Variants in DUXA observed in about 807,000 individuals in gnomAD.
DUXA encodes the protein double homeobox A, also known as double homeobox protein A.
DUXA carries 25 observed loss-of-function variants against 27.5 expected under a neutral mutation model. The observed-to-expected ratio is 0.91, with a 90% CI of 0.66 to 1.27. The LOEUF is 1.27. DUXA is among the 50% of genes most tolerant of loss of function. The probability of loss-of-function intolerance (pLI) is 0.00; values close to 1 mark genes in which losing one functional copy is unlikely to be tolerated. For missense variants in DUXA, 247 were observed against 242.9 expected (o/e 1.02, Z -0.11); for synonymous variants, 90 against 80.5 (o/e 1.12, Z -0.63).
intron 1 of DUXA, among the ~76,000 whole-genome samples, chr19:57,165,325 ATATATATATATATATATATG>A (rs1200522815): frequency 1.1e-4 from 8 of 73,630 alleles, no homozygotes; most frequent in Non-Finnish European, 2.0e-4. Flanking sequence ...AAAAAAAAAA[ATATATATATATATATATATG>A]TATATATATA....
chr19:57,155,161 G>T, intron 5 of DUXA, 106 bp downstream of exon 5: 2 of 985,046 alleles, frequency 2.0e-6, no homozygotes. Flanking sequence ...ACTTGAGTGG[G>T]GATATCCTCC....
At chr19:57,157,203 T>C (rs930124186) in intron 4 of DUXA, among the ~76,000 whole-genome samples, 5 of 152,204 alleles carry the variant, frequency 3.3e-5, no homozygotes, top group Admixed American at 6.5e-5. Flanking sequence ...GAGGGAGCAC[T>C]GGTTTAAACG....
intron 1 of DUXA, among the ~76,000 whole-genome samples, chr19:57,162,222 C>T (rs1161912886): frequency 6.6e-6 from 1 of 152,040 alleles, no homozygotes; most frequent in East Asian, 1.9e-4. Context: ...CTCCATTGCT[C>T]AATAGCAATA....
In DUXA at chr19:57,165,324, AAT is replaced by A. The variant is rs74179420; in HGVS notation, c.25+2093_25+2094del. Among the ~76,000 whole-genome samples, 680 of 89,248 alleles carry A rather than the reference AAT, an allele frequency of 7.6e-3. 7 individuals carry two copies. The highest frequency in any genetic ancestry group is 0.012 in the Middle Eastern group (2 of 168). 58.6% of individuals were successfully genotyped at this position (89,248 alleles called of 152,430 possible). ...TCTGGAGTAGGAAAAAAAAAAAAAA[AAT>A]ATATATATATATATATATGTATATA... On this transcript the variant is annotated intron_variant, in intron 1 of 5. Coordinates refer to ENST00000554048, the MANE Select transcript of DUXA (RefSeq NM_001012729.2).
Position 57,160,692 on chromosome 19 carries a change from G to A in DUXA, c.131C>T (p.Thr44Ile), listed in dbSNP as rs1441155673. Residue 44 changes from threonine to isoleucine, a missense_variant, in exon 2 of 6, where the codon ACC becomes ATC. Physicochemically the swap from Thr to Ile is moderately conservative, Grantham distance 89. Transcript: ENST00000554048. ...FNQKPYPGYA[T>I]KQKLALEINT... ...GATTTCTAAAGCAAGTTTTTGTTTG[G>A]TAGCATAACCTGGGTAAGGCTTTTG... is the stretch of plus-strand genomic sequence containing the variant. 6 of 1,613,836 alleles carry A rather than the reference G, an allele frequency of 3.7e-6. No homozygotes were observed. The highest frequency in any genetic ancestry group is 4.2e-6 in the Non-Finnish European group (5 of 1,180,036).
chr19:57,160,542 T>C (rs2122693529), intron 2 of DUXA, 101 bp downstream of exon 2: 1 of 1,390,526 alleles, frequency 7.2e-7, no homozygotes, highest in Non-Finnish European at 9.8e-7. Context: ...AGATACTCCC[T>C]ACCAAGCCCT....
rs551946036 is a variant in DUXA at position 57,162,802 on chromosome 19, C to T, written c.26-2005G>A. 1.3e-4 allele frequency among the ~76,000 whole-genome samples: 20 copies of T among 152,240 alleles called. No individual in the cohort carries two copies. In the South Asian group the frequency reaches 3.9e-3, roughly 30 times the overall value. ...CGTTGGCCAGACTGGTCTCGAACTC[C>T]TGACCTCCTGATCCACCCACCTTGG... is the stretch of plus-strand genomic sequence containing the variant. On this transcript the variant is annotated intron_variant, in intron 1 of 5. Coordinates refer to ENST00000554048, the MANE Select transcript of DUXA (RefSeq NM_001012729.2).
chr19:57,164,965 T>A (rs1251569374), intron 1 of DUXA, among the ~76,000 whole-genome samples: 1 of 152,170 alleles, frequency 6.6e-6, no homozygotes, highest in African/African-American at 2.4e-5. Flanking sequence ...TGGTTTGATG[T>A]CCTCTGAGGT....
At position 57,158,481 on chromosome 19, in the gene DUXA, A is replaced by G. The variant is rs2087003700; in HGVS notation, c.293-8T>C. The G allele has an allele frequency of 6.2e-7, 1 of 1,609,026 alleles. No homozygotes were observed. The highest frequency in any genetic ancestry group is 1.1e-5 in the South Asian group (1 of 90,908). ...ACCGTCTGGCTTCTCTACCTAGGGA[A>G]GGCATGGAAAGATGGAGGGGGGCGG... On this transcript the variant is annotated splice_polypyrimidine_tract_variant and splice_region_variant and intron_variant, in intron 3 of 5. Coordinates refer to ENST00000554048, the MANE Select transcript of DUXA (RefSeq NM_001012729.2).
intron 2 of DUXA, among the ~76,000 whole-genome samples, chr19:57,159,540 G>A (rs1215254772): frequency 1.3e-5 from 2 of 151,926 alleles, no homozygotes; most frequent in Non-Finnish European, 2.9e-5. Flanking sequence ...AGACTCCCAA[G>A]GAGCTGGGAT....
At chr19:57,156,257 A>C (rs1425914458) in intron 4 of DUXA, among the ~76,000 whole-genome samples, 2 of 152,160 alleles carry the variant, frequency 1.3e-5, no homozygotes, top group African/African-American at 4.8e-5. Flanking sequence ...TTCATCCCAC[A>C]AGACAAACTT....
rs146901876 is a variant in DUXA at position 57,166,038 on chromosome 19, A to G, written c.25+1381T>C. ...GGGATGGGCTCACTGAGAAAGTATAACATGAACAAAGGCTTGAGGCACATT... is the reference window on the plus strand; with the variant it reads ...GGGATGGGCTCACTGAGAAAGTATAGCATGAACAAAGGCTTGAGGCACATT... On this transcript the variant is annotated intron_variant, in intron 1 of 5. Transcript: ENST00000554048. Among the ~76,000 whole-genome samples, 1,326 of 152,200 alleles carry G rather than the reference A, an allele frequency of 8.7e-3. 23 individuals carry two copies. Among genetic ancestry groups the G allele is most frequent in the African/African-American group, 0.031 (1,285 of 41,532 alleles).
chr19:57,161,264 G>T (rs1405960760), intron 1 of DUXA, among the ~76,000 whole-genome samples: 1 of 147,286 alleles, frequency 6.8e-6, no homozygotes, highest in Non-Finnish European at 1.5e-5. Context: ...GGCGGAGGTT[G>T]CAGTGAGCCG....
chr19:57,163,125 C>T (rs937846231), intron 1 of DUXA, among the ~76,000 whole-genome samples: 8 of 152,214 alleles, frequency 5.3e-5, no homozygotes, highest in Middle Eastern at 3.4e-3. Flanking sequence ...CGGCCAACTT[C>T]TTCCTTCTCC....
rs567091265 is a variant in DUXA at position 57,154,329 on chromosome 19, G to A, written c.*83C>T. 3.0e-6 allele frequency: 4 copies of A among 1,322,550 alleles called. No individual in the cohort carries two copies. In the African/African-American group the frequency reaches 4.4e-5, roughly 14 times the overall value. The allele number at this position is 1,322,550 out of a possible 1,614,324, so 81.9% of individuals were successfully genotyped here. ...TCAGAAGGCTTAGCTTGCAGTTTCA[G>A]CAGAAGGATAGACTCCCAGGAAGAC... On this transcript the variant is annotated 3_prime_UTR_variant, in exon 6 of 6. Transcript: ENST00000554048.
chr19:57,166,559 C>T (rs1486131686), intron 1 of DUXA, among the ~76,000 whole-genome samples: 1 of 152,164 alleles, frequency 6.6e-6, no homozygotes, highest in Non-Finnish European at 1.5e-5. Context: ...CTGCCCACCG[C>T]GGCCTCCCAA....
intron 1 of DUXA, among the ~76,000 whole-genome samples, chr19:57,163,876 T>C (rs1362297209): frequency 6.6e-6 from 1 of 152,210 alleles, no homozygotes; most frequent in Admixed American, 6.5e-5. Flanking sequence ...TGAATGGCTC[T>C]TTTACCTATC....
In DUXA at chr19:57,154,231, T is replaced by C. The variant is rs1599928664; in HGVS notation, c.*181A>G. 2 of 547,316 alleles carry C rather than the reference T, an allele frequency of 3.7e-6. No homozygotes were observed. Among genetic ancestry groups the C allele is most frequent in the South Asian group, 4.1e-5 (2 of 48,486 alleles). The allele number at this position is 547,316 out of a possible 1,614,324, so 33.9% of individuals were successfully genotyped here. On this transcript the variant is annotated 3_prime_UTR_variant, in exon 6 of 6. Coordinates refer to ENST00000554048, the MANE Select transcript of DUXA (RefSeq NM_001012729.2). ...TCAAACTCCTGAGCTCAAGCAATCT[T>C]CCTGCCTTGGCCTCCCAAAGTAGTG...
rs3082068 is a variant in DUXA at position 57,165,803 on chromosome 19, C to CAA, written c.25+1614_25+1615dup. On this transcript the variant is annotated intron_variant, in intron 1 of 5. Transcript: ENST00000554048. ...CTGGGCGAGAGAGTGAGACTCCTCT[C>CAA]AAAAAAAAAAAAAAAAAAGCCAGAC... Among the ~76,000 whole-genome samples the CAA allele has an allele frequency of 2.3e-3, 217 of 95,610 alleles. 3 individuals carry two copies. The highest frequency in any genetic ancestry group is 3.9e-3 in the South Asian group (11 of 2,820). The allele number at this position is 95,610 out of a possible 152,430, so 62.7% of individuals were successfully genotyped here.
Sources: allele counts gnomAD v4.1 joint callset (sites outside exome capture counted in the v4.1 genomes callset), GRCh38; gene constraint gnomAD v4.1.1; transcripts MANE v1.5; gene names NCBI Gene and HGNC (gene_info 2026-07-23, HGNC 2026-07-21).